SLC35A1: variants seen among roughly 807,000 people sequenced by gnomAD.
SLC35A1 encodes CMP-sialic acid transporter.
SLC35A1 carries 21 observed loss-of-function variants against 40.3 expected under a neutral mutation model. That is an observed-to-expected ratio of 0.52 (90% CI 0.37 to 0.75). SLC35A1 has a LOEUF of 0.75. Ranked by LOEUF, SLC35A1 falls within the 30% of genes least tolerant of loss-of-function variation. The probability of loss-of-function intolerance (pLI) is 0.00; values close to 1 mark genes in which losing one functional copy is unlikely to be tolerated. For missense variants in SLC35A1, 297 were observed against 382.1 expected (o/e 0.78, Z 1.86); for synonymous variants, 146 against 147.3 (o/e 0.99, Z 0.06).
chr6:87,499,992 C>T (rs532999545), intron 2 of SLC35A1, among the ~76,000 whole-genome samples: 3 of 152,162 alleles, frequency 2.0e-5, no homozygotes, highest in Admixed American at 6.5e-5. Flanking sequence ...ATCCTAGGTA[C>T]TCAGGAGGCT....
chr6:87,502,636 A>G (rs1484094058), intron 4 of SLC35A1, among the ~76,000 whole-genome samples: 5 of 152,230 alleles, frequency 3.3e-5, no homozygotes, highest in Non-Finnish European at 5.9e-5. Context: ...TTTATCTTAC[A>G]GGACCGCTGT....
chr6:87,493,732 TG>T (rs1769631657), intron 2 of SLC35A1, among the ~76,000 whole-genome samples: 1 of 152,232 alleles, frequency 6.6e-6, no homozygotes, highest in South Asian at 2.1e-4. Context: ...TAGTTCTCTT[TG>T]TTTTAGTTTT....
At chr6:87,496,813 G>GA (rs1449858205) in intron 2 of SLC35A1, among the ~76,000 whole-genome samples, 7 of 139,290 alleles carry the variant, frequency 5.0e-5, no homozygotes, top group African/African-American at 8.0e-5. Context: ...CACCAAAACA[G>GA]AAAATATAAG....
chr6:87,494,834 C>T (rs1562022788), intron 2 of SLC35A1, among the ~76,000 whole-genome samples: 2 of 152,148 alleles, frequency 1.3e-5, no homozygotes, highest in African/African-American at 4.8e-5. Flanking sequence ...CTGCAATTCA[C>T]GGGAAAATTG....
chr6:87,486,918 T>G (rs1314439145), intron 2 of SLC35A1, among the ~76,000 whole-genome samples: 2 of 152,078 alleles, frequency 1.3e-5, no homozygotes, highest in African/African-American at 4.8e-5. Flanking sequence ...GGCTCACACC[T>G]ATAATCTCAG....
chr6:87,485,752 C>T (rs1247827784), intron 2 of SLC35A1, among the ~76,000 whole-genome samples: 1 of 151,760 alleles, frequency 6.6e-6, no homozygotes, highest in Non-Finnish European at 1.5e-5. Context: ...GAGCAAAACT[C>T]TGTCTCAGAA....
intron 2 of SLC35A1, among the ~76,000 whole-genome samples, chr6:87,481,470 G>C (rs572364276): frequency 6.6e-6 from 1 of 151,346 alleles, no homozygotes; most frequent in East Asian, 1.9e-4. Flanking sequence ...ATAGTCCTTA[G>C]TGCCTTCTTC....
At chr6:87,480,608 G>A (rs1028884222) in intron 2 of SLC35A1, among the ~76,000 whole-genome samples, 2 of 152,202 alleles carry the variant, frequency 1.3e-5, no homozygotes, top group Non-Finnish European at 2.9e-5. Flanking sequence ...GTTGTAGGAG[G>A]TAGAGCAGGG....
chr6:87,474,637 T>C (rs1418874507), intron 1 of SLC35A1, among the ~76,000 whole-genome samples: 5 of 152,242 alleles, frequency 3.3e-5, no homozygotes. Context: ...TACTGGAGAA[T>C]TTGTGAATGG....
At chr6:87,500,715 A>T in intron 3 of SLC35A1, 48 bp downstream of exon 3, 1 of 1,598,732 alleles carries the variant, frequency 6.3e-7, no homozygotes, top group Admixed American at 1.7e-5. Context: ...TTTATGGTAA[A>T]AAGAGTTTTT....
chr6:87,508,520 C>T lies in SLC35A1; in HGVS notation c.675C>T (p.Val225=), dbSNP rs1461246738. The change falls in exon 6 of 8, where the codon GTC becomes GTT. Residue 225 remains valine, a synonymous_variant. Transcript: ENST00000369552. ...LSGIIVTLAG[V]YLSDGAEIKE... ...GGATTATTGTGACATTAGCTGGCGTCTACTTGTCAGATGGAGCTGAAATTA... is the reference window on the plus strand; with the variant it reads ...GGATTATTGTGACATTAGCTGGCGTTTACTTGTCAGATGGAGCTGAAATTA... The T allele has an allele frequency of 1.2e-6, 2 of 1,612,984 alleles. No homozygotes were observed. Among genetic ancestry groups the T allele is most frequent in the Non-Finnish European group, 1.7e-6 (2 of 1,179,316 alleles).
intron 2 of SLC35A1, among the ~76,000 whole-genome samples, chr6:87,480,161 A>G (rs879812162): frequency 4.6e-5 from 7 of 152,214 alleles, no homozygotes; most frequent in Admixed American, 2.0e-4. Flanking sequence ...AGAAATGCCA[A>G]ATTTTTCCCC....
intron 4 of SLC35A1, among the ~76,000 whole-genome samples, chr6:87,506,103 T>C (rs562504275): frequency 1.3e-5 from 2 of 152,328 alleles, no homozygotes; most frequent in Admixed American, 6.5e-5. Context: ...AAGTTCATGC[T>C]AGAGTGCTTA....
chr6:87,501,173 A>C lies in SLC35A1; in HGVS notation c.370A>C (p.Lys124Gln). Reference protein sequence around the residue: ...AAVYQVTYQLKIPCTALCTVL... With the variant: ...AAVYQVTYQLQIPCTALCTVL... ...TTTTTTTTAGGTGACCTACCAGTTG[A>C]AGATTCCGTGTACTGCTTTATGCAC... The change falls in exon 4 of 8, where the codon AAG becomes CAG. Residue 124 changes from lysine to glutamine, a missense_variant. Coordinates refer to ENST00000369552, the MANE Select transcript of SLC35A1 (RefSeq NM_006416.5). 1 of 1,613,730 alleles carries C rather than the reference A, an allele frequency of 6.2e-7. No homozygotes were observed. The highest frequency in any genetic ancestry group is 8.5e-7 in the Non-Finnish European group (1 of 1,179,716).
chr6:87,501,064 T>C, intron 3 of SLC35A1, 94 bp from the exon 4 acceptor site: 1 of 1,256,590 alleles, frequency 8.0e-7, no homozygotes. Flanking sequence ...TCAAATATTT[T>C]TTATTGATAA....
intron 2 of SLC35A1, among the ~76,000 whole-genome samples, chr6:87,482,954 C>T (rs1211364818): frequency 2.0e-5 from 3 of 152,102 alleles, no homozygotes; most frequent in African/African-American, 2.4e-5. Flanking sequence ...GGGTCATCTG[C>T]GGGTTACTGG....
intron 2 of SLC35A1, among the ~76,000 whole-genome samples, chr6:87,482,853 G>T (rs1246543667): frequency 6.6e-6 from 1 of 151,980 alleles, no homozygotes; most frequent in African/African-American, 2.4e-5. Context: ...TGAACTGGGT[G>T]AGGTGTGCTC....
intron 5 of SLC35A1, among the ~76,000 whole-genome samples, chr6:87,508,028 T>C (rs997339812): frequency 6.6e-6 from 1 of 152,140 alleles, no homozygotes; most frequent in African/African-American, 2.4e-5. Context: ...AGGCAGATAT[T>C]ACAGGGATGT....
chr6:87,501,278 C>CA lies in SLC35A1; in HGVS notation c.476dup (p.Trp160ValfsTer37). ...GCTGTGTGCTGGAGTTACGCTTGTA[C>CA]AGTGGAAACCAGCCCAAGCTACAAA... On this transcript the variant is annotated frameshift_variant, in exon 4 of 8. Transcript: ENST00000369552. LOFTEE classifies it high-confidence loss of function. 6.2e-7 allele frequency: 1 copy of CA among 1,614,020 alleles called. No individual in the cohort carries two copies. The highest frequency in any genetic ancestry group is 2.2e-5 in the East Asian group (1 of 44,868).
Sources: allele counts gnomAD v4.1 joint callset (sites outside exome capture counted in the v4.1 genomes callset), GRCh38; gene constraint gnomAD v4.1.1; transcripts MANE v1.5; gene names NCBI Gene and HGNC (gene_info 2026-07-23, HGNC 2026-07-21).